Variants in NPC1 observed in about 807,000 individuals in gnomAD.
NPC1 encodes NPC intracellular cholesterol transporter 1, also known as Niemann-Pick C1 protein.
In NPC1, 85 loss-of-function variants were observed where a neutral mutation model predicts 140.4. That is an observed-to-expected ratio of 0.61 (90% CI 0.51 to 0.72). NPC1 has a LOEUF of 0.72. Among genes scored for constraint, NPC1 ranks in the 30% least tolerant of loss-of-function variants. The probability of loss-of-function intolerance (pLI) is 0.00; values close to 1 mark genes in which losing one functional copy is unlikely to be tolerated. For missense variants in NPC1, 1,504 were observed against 1,623.8 expected, an observed-to-expected ratio of 0.93 and a Z score of 1.27; for synonymous variants, 656 against 624.8, an observed-to-expected ratio of 1.05 and a Z score of -0.74.
intron 1 of NPC1, among the ~76,000 whole-genome samples, chr18:23,585,809 T>C (rs1275735372): frequency 6.6e-6 from 1 of 152,200 alleles, no homozygotes; most frequent in Non-Finnish European, 1.5e-5. Context: ...AGCTGACTTA[T>C]GTCAAGTACT....
At chr18:23,572,595 A>G (rs1158632593) in intron 2 of NPC1, among the ~76,000 whole-genome samples, 5 of 152,190 alleles carry the variant, frequency 3.3e-5, no homozygotes, top group Non-Finnish European at 5.9e-5. Flanking sequence ...GTACTTAGGA[A>G]GGCTGAGGAG....
intron 4 of NPC1, among the ~76,000 whole-genome samples, chr18:23,567,058 A>G (rs2059136078): frequency 6.6e-6 from 1 of 152,246 alleles, no homozygotes; most frequent in Admixed American, 6.5e-5. Flanking sequence ...GTGTGGATGT[A>G]GCAGTTTATT....
chr18:23,510,807 T>TA (rs1259105419), intron 3 of NPC1, among the ~76,000 whole-genome samples: 3 of 152,194 alleles, frequency 2.0e-5, no homozygotes, highest in Non-Finnish European at 4.4e-5. Flanking sequence ...ATAGCCATTA[T>TA]AAAAAAGTCA....
At chr18:23,584,908 A>G (rs906853555) in intron 1 of NPC1, among the ~76,000 whole-genome samples, 2 of 152,200 alleles carry the variant, frequency 1.3e-5, no homozygotes, top group Non-Finnish European at 2.9e-5. Context: ...AGGAGGGGCC[A>G]GGAGTGGTGC....
Position 23,541,134 on chromosome 18 carries a change from A to C in NPC1, c.2448T>G (p.Cys816Trp). The stretch of plus-strand genomic sequence containing the variant: ...AGGAGTTTTTGAAGAAGCGAAACAA[A>C]CAGCTCTCTGAGGCCTGGACGCTTG... Reference protein sequence around the residue: ...DGTSVQASESCLFRFFKNSYS... With the variant: ...DGTSVQASESWLFRFFKNSYS... The change falls in exon 16 of 25, where the codon TGT becomes TGG. Residue 816 changes from cysteine to tryptophan, a missense_variant. Coordinates refer to ENST00000269228, the MANE Select transcript of NPC1 (RefSeq NM_000271.5). The C allele has an allele frequency of 6.2e-7, 1 of 1,614,184 alleles. No individual in the cohort carries two copies. Among genetic ancestry groups the C allele is most frequent in the Non-Finnish European group, 8.5e-7 (1 of 1,180,020 alleles).
intron 10 of NPC1, among the ~76,000 whole-genome samples, chr18:23,551,353 G>A (rs1357632571): frequency 1.3e-5 from 2 of 152,174 alleles, no homozygotes; most frequent in Non-Finnish European, 2.9e-5. Flanking sequence ...ACAATGCAGA[G>A]GTTTGCAATT....
chr18:23,540,023 A>AG (rs2058690676), intron 17 of NPC1, 22 bp from the exon 18 acceptor site: 1 of 1,600,232 alleles, frequency 6.2e-7, no homozygotes, highest in African/African-American at 1.3e-5. Flanking sequence ...ATAAAAGAAT[A>AG]GGAGAGAGTG....
rs773809600 is a variant in NPC1, at chr18:23,572,090, G to C, written c.271C>G (p.Leu91Val). 1 of 1,613,514 alleles carries C rather than the reference G, an allele frequency of 6.2e-7. No individual in the cohort carries two copies. Among genetic ancestry groups the C allele is most frequent in the African/African-American group, 1.3e-5 (1 of 75,012 alleles). Residue 91 changes from leucine (L) to valine (V), a missense_variant, in exon 3 of 25, where the codon CTA (leucine) becomes GTA (valine). Physicochemically the swap from Leu to Val is conservative, Grantham distance 32 (BLOSUM62 1). Transcript: ENST00000269228. ...QTLKDNLQLP[L>V]QFLSRCPSCF... is the part of the protein sequence containing the mutation. ...AGAACCTACCTGGACAGAAACTGTA[G>C]AGGCAGCTGCAGGTTGTCTTTTAGT...
intron 1 of NPC1, chr18:23,582,261 G>C (rs2059365800): frequency 6.6e-6 from 1 of 152,150 alleles, no homozygotes; most frequent in Non-Finnish European, 1.5e-5. Context: ...AAATTTTAAA[G>C]CTTCTCTCAA....
At chr18:23,562,242 T>C (rs888125926) in intron 4 of NPC1, among the ~76,000 whole-genome samples, 5 of 151,284 alleles carry the variant, frequency 3.3e-5, no homozygotes, top group Admixed American at 2.6e-4. Flanking sequence ...TGAGCCAAGA[T>C]TGCGCCACTG....
At chr18:23,577,135 C>A (rs573118756) in intron 1 of NPC1, among the ~76,000 whole-genome samples, 419 of 151,692 alleles carry the variant, frequency 2.8e-3, no homozygotes, top group Non-Finnish European at 5.2e-3. Flanking sequence ...CACACAGGTT[C>A]TCCAAGGCCC....
chr18:23,506,977 G>A (rs1386953796), intron 3 of NPC1: 2 of 1,601,270 alleles, frequency 1.2e-6, no homozygotes, highest in Non-Finnish European at 1.7e-6. Flanking sequence ...AAGAATGGAT[G>A]ACAAAGGAGA....
intron 1 of NPC1, among the ~76,000 whole-genome samples, chr18:23,575,769 C>CCAAAAAAAAA (rs2059267116): frequency 1.4e-4 from 5 of 35,082 alleles, no homozygotes; most frequent in Non-Finnish European, 1.8e-4. Flanking sequence ...CAGAGAAGAC[C>CCAAAAAAAAA]AAAAAAAAAA....
At chr18:23,555,437 A>G (rs2058936184) in intron 8 of NPC1, among the ~76,000 whole-genome samples, 1 of 152,258 alleles carries the variant, frequency 6.6e-6, no homozygotes, top group African/African-American at 2.4e-5. Flanking sequence ...TCTTGGAGGT[A>G]AATGACTATG....
intron 8 of NPC1, among the ~76,000 whole-genome samples, chr18:23,555,878 A>T (rs1419381291): frequency 6.6e-6 from 1 of 152,168 alleles, no homozygotes; most frequent in Admixed American, 6.5e-5. Context: ...CTTGCATATT[A>T]CTTTCAGTTA....
At chr18:23,518,285 G>A (rs2058060404), downstream of NPC1, among the ~76,000 whole-genome samples, 2 of 151,990 alleles carry the variant, frequency 1.3e-5, no homozygotes, top group Non-Finnish European at 2.9e-5. Context: ...GAGGCCAGGA[G>A]TTCAAGACCA....
intron 1 of NPC1, among the ~76,000 whole-genome samples, chr18:23,581,132 G>A (rs1257301431): frequency 1.3e-5 from 2 of 152,150 alleles, no homozygotes; most frequent in African/African-American, 2.4e-5. Flanking sequence ...TAGACATTTA[G>A]GAGCCACAAA....
intron 9 of NPC1, among the ~76,000 whole-genome samples, chr18:23,553,192 C>G (rs2058899445): frequency 6.6e-6 from 1 of 152,258 alleles, no homozygotes; most frequent in Non-Finnish European, 1.5e-5. Flanking sequence ...AAACACAAGG[C>G]TCACGCACCT....
intron 3 of NPC1, chr18:23,507,920 C>T: frequency 6.8e-7 from 1 of 1,460,222 alleles, no homozygotes; most frequent in Non-Finnish European, 9.4e-7. Flanking sequence ...TGTAGTATGC[C>T]AACGTAGGTT....
Sources: allele counts gnomAD v4.1 joint callset (sites outside exome capture counted in the v4.1 genomes callset), GRCh38; gene constraint gnomAD v4.1.1; transcripts MANE v1.5; gene names NCBI Gene and HGNC (gene_info 2026-07-23, HGNC 2026-07-21).